B4GALNT2: variants seen among roughly 807,000 people sequenced by gnomAD.
B4GALNT2 encodes beta-1,4-N-acetyl-galactosaminyltransferase 2 (SID blood group).
Under a neutral mutation model 51.1 loss-of-function variants are expected in B4GALNT2, and 42 were observed. That is an observed-to-expected ratio of 0.82 (90% CI 0.64 to 1.06). The LOEUF is 1.06. Among genes scored for constraint, B4GALNT2 ranks in the 50% least tolerant of loss-of-function variants. The pLI is 0.00. For missense variants in B4GALNT2, 602 were observed against 633.6 expected (o/e 0.95, Z 0.54); for synonymous variants, 253 against 251.7 (o/e 1.01, Z -0.05).
At chr17:49,127,098 T>G in the B4GALNT2 span, among the ~76,000 whole-genome samples, 1 of 152,250 alleles carries the variant, frequency 6.6e-6, no homozygotes, top group Admixed American at 6.5e-5. Context: ...TGACTTGTTG[T>G]AAACATTCCT....
intron 10 of B4GALNT2, 89 bp from the exon 11 acceptor site, chr17:49,169,434 T>C: frequency 1.6e-6 from 2 of 1,267,936 alleles, no homozygotes; most frequent in Non-Finnish European, 2.3e-6. Flanking sequence ...CTGTGTCCTC[T>C]CCCTGGGACT....
intron 8 of B4GALNT2, 114 bp downstream of exon 8, chr17:49,164,389 C>A: frequency 2.1e-6 from 2 of 963,398 alleles, no homozygotes; most frequent in Non-Finnish European, 3.1e-6. Flanking sequence ...AAAGCAGAGT[C>A]CAGGAGTGGG....
At chr17:49,157,019 C>T (rs2042817034) in intron 5 of B4GALNT2, among the ~76,000 whole-genome samples, 1 of 152,192 alleles carries the variant, frequency 6.6e-6, no homozygotes, top group Non-Finnish European at 1.5e-5. Flanking sequence ...CAAATTGTGC[C>T]CAGAACCCTA....
intron 3 of B4GALNT2, chr17:49,148,946 CT>C (rs1167576706): frequency 6.0e-6 from 1 of 166,626 alleles, no homozygotes; most frequent in Non-Finnish European, 1.3e-5. Flanking sequence ...GTCCCAGCTA[CT>C]TGGGAGGCTG....
Position 49,173,286 on chromosome 17 carries a change from A to G in B4GALNT2, c.*3558A>G, listed in dbSNP as rs2042968967. On this transcript the variant is annotated 3_prime_UTR_variant, in exon 11 of 11. Transcript: ENST00000393354. ...ATTAATTGTGTGGAATGAATCATGTATGAAGAATCAGAAATCACATTGATA... is the reference window on the plus strand; with the variant it reads ...ATTAATTGTGTGGAATGAATCATGTGTGAAGAATCAGAAATCACATTGATA... 4 of 152,238 alleles carry G rather than the reference A, an allele frequency of 2.6e-5. No individual in the cohort carries two copies. Among genetic ancestry groups the G allele is most frequent in the African/African-American group, 9.6e-5 (4 of 41,472 alleles). The allele number at this position is 152,238 out of a possible 1,614,324, so 9.4% of individuals were successfully genotyped here.
chr17:49,150,887 C>T (rs960871111), intron 3 of B4GALNT2, among the ~76,000 whole-genome samples: 2 of 151,032 alleles, frequency 1.3e-5, no homozygotes, highest in Admixed American at 1.3e-4. Flanking sequence ...CTGCCAAATC[C>T]CCCTCTGCGA....
upstream of B4GALNT2, among the ~76,000 whole-genome samples, chr17:49,131,394 G>C (rs80172879): frequency 7.0e-6 from 1 of 142,382 alleles, no homozygotes; most frequent in South Asian, 2.3e-4. Context: ...GGACTCACCT[G>C]CATCAAAGTT....
At chr17:49,150,751 C>T (rs2042745385) in intron 3 of B4GALNT2, among the ~76,000 whole-genome samples, 1 of 150,334 alleles carries the variant, frequency 6.7e-6, no homozygotes, top group African/African-American at 2.5e-5. Context: ...CATCACCACT[C>T]CCTAATCTCA....
intron 7 of B4GALNT2, among the ~76,000 whole-genome samples, chr17:49,162,392 A>T (rs1457762208): frequency 6.6e-6 from 1 of 152,150 alleles, no homozygotes; most frequent in East Asian, 1.9e-4. Context: ...TATGAAAACT[A>T]CTTTCACATC....
chr17:49,133,938 CAAACA>C (rs970054699), intron 1 of B4GALNT2, among the ~76,000 whole-genome samples: 57 of 142,278 alleles, frequency 4.0e-4, no homozygotes, highest in African/African-American at 1.7e-3. Context: ...ACAAAACAAA[CAAACA>C]AACAAACAAA....
intron 1 of B4GALNT2, among the ~76,000 whole-genome samples, chr17:49,140,839 C>G (rs1440503172): frequency 6.6e-6 from 1 of 151,774 alleles, no homozygotes; most frequent in Non-Finnish European, 1.5e-5. Flanking sequence ...CTGTCTCAGC[C>G]TCCCAAGTAG....
In B4GALNT2 at chr17:49,160,577, A is replaced by G; in HGVS notation, c.702A>G (p.Ser234=). The G allele has an allele frequency of 6.2e-7, 1 of 1,614,094 alleles. No individual in the cohort carries two copies. Among genetic ancestry groups the G allele is most frequent in the African/African-American group, 1.3e-5 (1 of 75,010 alleles). The part of the protein sequence containing the change: ...VDIVSLESRS[S]VAKFPVTIRH... ...CAGTGAGTCTGGAGTCCAGGTCCTC[A>G]GTGGCCAAGTTTCCAGTGACCATCC... The change falls in exon 7 of 11, where the codon TCA becomes TCG. Residue 234 remains serine (S), a synonymous_variant. Transcript: ENST00000393354.
intron 7 of B4GALNT2, among the ~76,000 whole-genome samples, chr17:49,161,820 G>A (rs1203769545): frequency 1.3e-5 from 2 of 150,678 alleles, no homozygotes; most frequent in African/African-American, 2.4e-5. Flanking sequence ...TCCTGCCACT[G>A]CACTCCAGCC....
chr17:49,128,737 A>G (rs10853109), upstream of B4GALNT2, among the ~76,000 whole-genome samples: 78,130 of 151,860 alleles, frequency 0.51, 20,452 homozygotes, highest in Middle Eastern at 0.62. Context: ...GGGCCAGGCC[A>G]TGTTGCAATA....
intron 3 of B4GALNT2, among the ~76,000 whole-genome samples, chr17:49,147,549 G>GT (rs1184959103): frequency 4.0e-5 from 6 of 151,052 alleles, no homozygotes; most frequent in East Asian, 1.9e-4. Context: ...TAATTTTTGT[G>GT]TTTTTTTGTA....
chr17:49,146,560 C>T (rs1232982594), intron 3 of B4GALNT2, among the ~76,000 whole-genome samples: 1 of 152,220 alleles, frequency 6.6e-6, no homozygotes, highest in Non-Finnish European at 1.5e-5. Context: ...ATCCACCCAC[C>T]TTGGCCTCCC....
rs186009974 is a variant in B4GALNT2 at position 49,173,636 on chromosome 17, C to T, written c.*3908C>T. 1 of 152,204 alleles carries T rather than the reference C, an allele frequency of 6.6e-6. No homozygotes were observed. The highest frequency in any genetic ancestry group is 2.4e-5 in the African/African-American group (1 of 41,524). The allele number at this position is 152,204 out of a possible 1,614,324, so 9.4% of individuals were successfully genotyped here. On this transcript the variant is annotated 3_prime_UTR_variant, in exon 11 of 11. Transcript: ENST00000393354. ...TCTATTTGTGCCTTCATGAGAAGGA[C>T]AATAATTTTTCCAGGACCATATCCA...
At chr17:49,144,324 A>G (rs745376624) in intron 3 of B4GALNT2, among the ~76,000 whole-genome samples, 5 of 152,178 alleles carry the variant, frequency 3.3e-5, no homozygotes, top group Non-Finnish European at 5.9e-5. Context: ...AGTAGCCACT[A>G]CCCTCCAAAT....
rs1295454503 is a variant in B4GALNT2 at position 49,142,192 on chromosome 17, C to A, written c.353+20C>A. 6.2e-7 allele frequency: 1 copy of A among 1,613,524 alleles called. No individual in the cohort carries two copies. Among genetic ancestry groups the A allele is most frequent in the Admixed American group, 1.7e-5 (1 of 59,946 alleles). On this transcript the variant is annotated intron_variant, in intron 3 of 10. Transcript: ENST00000393354. ...GAGGAGGTAATGCGGGTCATGAAGG[C>A]CCTTGGGTTCTGAGATGGAACAAAA...
Sources: gnomAD v4.1 joint callset for allele counts (sites outside exome capture counted in the v4.1 genomes callset) on GRCh38, gnomAD v4.1.1 for gene constraint, MANE v1.5 for transcripts, NCBI Gene and HGNC (gene_info 2026-07-23, HGNC 2026-07-21) for gene names.